USP6NL: variants seen among roughly 807,000 people sequenced by gnomAD.
The protein encoded by USP6NL is USP6 N-terminal-like protein.
A neutral mutation model predicts 61.9 loss-of-function variants in USP6NL; 26 were observed. The ratio of observed to expected loss-of-function variants is 0.42; its 90% CI spans 0.31 to 0.58. The LOEUF is 0.58. USP6NL is among the 20% of genes least tolerant of loss of function. The pLI is 0.16. For synonymous variants in USP6NL, 432 were observed against 390.1 expected (o/e 1.11, Z -1.27); for missense variants, 1,114 against 1,034.3 (o/e 1.08, Z -1.06).
In USP6NL at chr10:11,462,431, A is replaced by G. The variant is rs1372340098; in HGVS notation, c.*10T>C. ...TTTCTCTCTCGTCTTTAGCAAGTAC[A>G]CGTCAAATCTCACAGCAACACTGAC... On this transcript the variant is annotated 3_prime_UTR_variant, in exon 15 of 15. Transcript: ENST00000609104. 6.2e-6 allele frequency: 10 copies of G among 1,608,566 alleles called. No individual in the cohort carries two copies. Among genetic ancestry groups the G allele is most frequent in the Non-Finnish European group, 8.5e-6 (10 of 1,177,308 alleles).
chr10:11,533,372 G>C (rs1475412432), intron 2 of USP6NL, among the ~76,000 whole-genome samples: 3 of 152,290 alleles, frequency 2.0e-5, no homozygotes, highest in Non-Finnish European at 4.4e-5. Context: ...TGCCCTGCCA[G>C]GGATGTCCAC....
intron 2 of USP6NL, among the ~76,000 whole-genome samples, chr10:11,576,838 T>A (rs184970499): frequency 6.6e-6 from 1 of 152,298 alleles, no homozygotes; most frequent in Non-Finnish European, 1.5e-5. Flanking sequence ...TTTTGGCTCT[T>A]TATCTTTCCA....
Position 11,463,165 on chromosome 10 carries a change from T to C in USP6NL, c.1763A>G (p.Lys588Arg), listed in dbSNP as rs755339332. ...RHALYPPSPR[K>R]HAEPSSSPSK... ...TGGACTAGAACTTGGCTCAGCGTGC[T>C]TTCTCGGGCTAGGAGGGTAAAGGGC... Residue 588 changes from lysine to arginine, a missense_variant, in exon 15 of 15, where the codon AAG (lysine) becomes AGG (arginine). Coordinates refer to ENST00000609104, the MANE Select transcript of USP6NL (RefSeq NM_014688.5). This position sits in a 1 kb window ranked among gnomAD's most constrained non-coding sequence, Gnocchi z 6.3. 2.5e-6 allele frequency: 4 copies of C among 1,613,788 alleles called. No homozygotes were observed. The highest frequency in any genetic ancestry group is 3.4e-6 in the Non-Finnish European group (4 of 1,179,892).
Position 11,462,923 on chromosome 10 carries a change from T to C in USP6NL, c.2005A>G (p.Arg669Gly), listed in dbSNP as rs566429536. 1 of 1,613,518 alleles carries C rather than the reference T, an allele frequency of 6.2e-7. No homozygotes were observed. The highest frequency in any genetic ancestry group is 1.7e-5 in the Admixed American group (1 of 59,946). The stretch of plus-strand genomic sequence containing the variant: ...ACGGAAAGAGTAGAACCATGAGGTC[T>C]CCTGGAAGGATTCAGTTGAGTCCCA... ...SPGTQLNPSR[R>G]PHGSTLSVSA... The change falls in exon 15 of 15, where the codon AGA becomes GGA. Residue 669 changes from arginine (R) to glycine (G), a missense_variant. Coordinates refer to ENST00000609104, the MANE Select transcript of USP6NL (RefSeq NM_014688.5).
At chr10:11,480,010 C>A (rs944461011) in intron 14 of USP6NL, among the ~76,000 whole-genome samples, 1 of 152,160 alleles carries the variant, frequency 6.6e-6, no homozygotes, top group Non-Finnish European at 1.5e-5. Context: ...GGCAGATGGT[C>A]GTGCTAGAAA....
intron 2 of USP6NL, among the ~76,000 whole-genome samples, chr10:11,567,646 C>T (rs1453384785): frequency 6.6e-6 from 1 of 152,200 alleles, no homozygotes; most frequent in Non-Finnish European, 1.5e-5. Flanking sequence ...CTGTTCCAGA[C>T]ATAAACACCT....
At chr10:11,550,495 C>A (rs1442732483) in intron 2 of USP6NL, among the ~76,000 whole-genome samples, 1 of 152,106 alleles carries the variant, frequency 6.6e-6, no homozygotes, top group Non-Finnish European at 1.5e-5. Context: ...GTGGCTCACA[C>A]CTGTAATCCC....
chr10:11,527,289 C>G (rs558352923), intron 3 of USP6NL, among the ~76,000 whole-genome samples: 1 of 152,228 alleles, frequency 6.6e-6, no homozygotes, highest in East Asian at 1.9e-4. Flanking sequence ...GAGGCAGGAG[C>G]AAGTCTGGTG....
intron 2 of USP6NL, among the ~76,000 whole-genome samples, chr10:11,551,189 C>T (rs1455558386): frequency 1.3e-5 from 2 of 152,174 alleles, no homozygotes; most frequent in African/African-American, 2.4e-5. Context: ...AAAGTTCATA[C>T]AGCCCAAAAC....
chr10:11,516,819 T>A (rs926080063), intron 5 of USP6NL, among the ~76,000 whole-genome samples: 6 of 152,246 alleles, frequency 3.9e-5, no homozygotes, highest in Admixed American at 3.9e-4. Context: ...TAAGCCTAAC[T>A]GCATTAAGAG....
intron 6 of USP6NL, among the ~76,000 whole-genome samples, chr10:11,506,222 A>G (rs1168968352): frequency 6.6e-6 from 1 of 152,258 alleles, no homozygotes; most frequent in Non-Finnish European, 1.5e-5. Flanking sequence ...TATTTGACCA[A>G]CAAAAAAATA....
rs17150485 is a variant in USP6NL at position 11,520,117 on chromosome 10, C to A, written c.156-1543G>T. 1.3e-5 allele frequency among the ~76,000 whole-genome samples: 2 copies of A among 152,164 alleles called. No homozygotes were observed. Among genetic ancestry groups the A allele is most frequent in the Non-Finnish European group, 2.9e-5 (2 of 68,024 alleles). Reference sequence around the variant, plus strand: ...AATACAACTAACATTTTCACTTAGTCGAGAGACTTTTAGCACTAATTCAGT... The same window carrying A: ...AATACAACTAACATTTTCACTTAGTAGAGAGACTTTTAGCACTAATTCAGT... On this transcript the variant is annotated intron_variant, in intron 4 of 14. Coordinates refer to ENST00000609104, the MANE Select transcript of USP6NL (RefSeq NM_014688.5). This position sits in a 1 kb window ranked among gnomAD's most constrained non-coding sequence, Gnocchi z 5.2.
rs1278121762 is a variant in USP6NL, at chr10:11,548,284, A to G, written c.5-20717T>C. Among the ~76,000 whole-genome samples the G allele has an allele frequency of 6.6e-6, 1 of 152,194 alleles. No homozygotes were observed. The highest frequency in any genetic ancestry group is 1.5e-5 in the Non-Finnish European group (1 of 68,038). The stretch of plus-strand genomic sequence containing the variant: ...CAAATTCAACATGATACCCCGGAAA[A>G]GGTTTGGTGGGAGAACAGCAGCACT... On this transcript the variant is annotated intron_variant, in intron 2 of 14. Coordinates refer to ENST00000609104, the MANE Select transcript of USP6NL (RefSeq NM_014688.5). The surrounding 1 kb of genome is among the most constrained non-coding windows in gnomAD (Gnocchi z 4.3).
chr10:11,544,571 T>C (rs556695802), intron 2 of USP6NL, among the ~76,000 whole-genome samples: 43 of 152,156 alleles, frequency 2.8e-4, no homozygotes, highest in African/African-American at 9.9e-4. Flanking sequence ...CACTGCAACC[T>C]CATCCTCCTG....
intron 13 of USP6NL, among the ~76,000 whole-genome samples, chr10:11,483,495 G>GGAGGGAGA (rs1251484732): frequency 8.8e-6 from 1 of 113,694 alleles, no homozygotes; most frequent in Non-Finnish European, 1.8e-5. Flanking sequence ...GGGGGGGAGG[G>GGAGGGAGA]GAGGGAGAGA....
rs71511385 is a variant in USP6NL at position 11,476,078 on chromosome 10, A to AG, written c.1078+5691dup. On this transcript the variant is annotated intron_variant, in intron 14 of 14. Coordinates refer to ENST00000609104, the MANE Select transcript of USP6NL (RefSeq NM_014688.5). This position sits in a 1 kb window ranked among gnomAD's most constrained non-coding sequence, Gnocchi z 4.3. ...GAGGAAAACAAAAGGTGGGGTGAAG[A>AG]GGGGGGAAGAGGAAAGGTGTACTGC... 7.4e-3 allele frequency among the ~76,000 whole-genome samples: 1,125 copies of AG among 152,220 alleles called. 2 individuals carry two copies. Among genetic ancestry groups the AG allele is most frequent in the South Asian group, 0.013 (64 of 4,820 alleles).
intron 2 of USP6NL, among the ~76,000 whole-genome samples, chr10:11,549,468 A>G (rs1169074980): frequency 6.6e-6 from 1 of 152,162 alleles, no homozygotes; most frequent in East Asian, 1.9e-4. Flanking sequence ...TGCTATGTTT[A>G]AGTATCTACT....
At position 11,591,806 on chromosome 10, in the gene USP6NL, T is replaced by A. The variant is rs1389054133; in HGVS notation, c.4+5825A>T. On this transcript the variant is annotated intron_variant, in intron 2 of 14. Transcript: ENST00000609104. The surrounding 1 kb of genome is among the most constrained non-coding windows in gnomAD (Gnocchi z 4.7). ...AGAATGTAAACCACCTCCCAAAAAA[T>A]TTTTAACTTAAATATATAAGACTAT... Among the ~76,000 whole-genome samples, 1 of 152,150 alleles carries A rather than the reference T, an allele frequency of 6.6e-6. No homozygotes were observed. The highest frequency in any genetic ancestry group is 1.5e-5 in the Non-Finnish European group (1 of 68,020).
At chr10:11,544,426 G>C (rs1445949755) in intron 2 of USP6NL, among the ~76,000 whole-genome samples, 1 of 152,044 alleles carries the variant, frequency 6.6e-6, no homozygotes. Context: ...CTGTCTTGAA[G>C]TCATTCAGTA....
Sources: gnomAD v4.1 joint callset for allele counts (sites outside exome capture counted in the v4.1 genomes callset) on GRCh38, gnomAD v4.1.1 for gene constraint, Gnocchi (gnomAD v3.1) non-coding constraint, MANE v1.5 for transcripts, NCBI Gene and HGNC (gene_info 2026-07-23, HGNC 2026-07-21) for gene names.